Variants in TSHR observed in about 807,000 individuals in gnomAD.
The protein encoded by TSHR is thyroid stimulating hormone receptor.
TSHR carries 51 observed loss-of-function variants against 64.1 expected under a neutral mutation model. That is an observed-to-expected ratio of 0.80 (90% CI 0.64 to 1.01). The LOEUF (loss-of-function observed/expected upper bound fraction) is 1.01, where lower values mean the gene tolerates loss of function less well. TSHR is among the 50% of genes least tolerant of loss of function. The pLI, the probability that TSHR is intolerant of heterozygous loss-of-function variation, is 0.00. For missense variants in TSHR, 877 were observed against 942.8 expected (o/e 0.93, Z 0.91); for synonymous variants, 361 against 361.9 (o/e 1.00, Z 0.03).
At chr14:81,038,214 C>T (rs534606876) in intron 1 of TSHR, among the ~76,000 whole-genome samples, 2 of 151,808 alleles carry the variant, frequency 1.3e-5, no homozygotes, top group Non-Finnish European at 2.9e-5. Context: ...GGAAATTAAA[C>T]AACATGCTCC....
intron 8 of TSHR, chr14:81,108,756 T>C (rs1039803767): frequency 6.2e-7 from 1 of 1,608,088 alleles, no homozygotes; most frequent in African/African-American, 1.3e-5. Context: ...GTTTGAAAAA[T>C]TTTGAAATGC....
intron 1 of TSHR, among the ~76,000 whole-genome samples, chr14:81,029,865 A>G (rs79429318): frequency 4.7e-4 from 71 of 152,344 alleles, no homozygotes; most frequent in African/African-American, 1.6e-3. Flanking sequence ...TCCAAGCCTC[A>G]GCGCTATAAA....
rs2139909577 is a variant in TSHR at position 81,068,245 on chromosome 14, G to T, written c.243-9G>T. 1 of 1,612,092 alleles carries T rather than the reference G, an allele frequency of 6.2e-7. No homozygotes were observed. Among genetic ancestry groups the T allele is most frequent in the South Asian group, 1.1e-5 (1 of 90,962 alleles). On this transcript the variant is annotated splice_polypyrimidine_tract_variant and intron_variant, in intron 2 of 9. Transcript: ENST00000298171. ...TTTCTACTTTGTCTTATATTTTTCT[G>T]ACATTCAGCTACGTATCTATAGATG...
intron 2 of TSHR, among the ~76,000 whole-genome samples, chr14:81,065,565 A>G (rs1024753077): frequency 6.6e-6 from 1 of 152,234 alleles, no homozygotes; most frequent in Admixed American, 6.5e-5. Context: ...CCCCAGGGAG[A>G]CTGCTGGATT....
Position 80,955,760 on chromosome 14 carries a change from C to T in TSHR, c.80C>T (p.Pro27Leu), listed in dbSNP as rs532920088. The T allele has an allele frequency of 6.2e-7, 1 of 1,614,186 alleles. No individual in the cohort carries two copies. The highest frequency in any genetic ancestry group is 1.1e-5 in the South Asian group (1 of 91,086). ...RDLGGMGCSSPPCECHQEEDF... is the reference protein window; with the variant it reads ...RDLGGMGCSSLPCECHQEEDF... Reference sequence around the variant, plus strand: ...CTGGGCGGAATGGGGTGTTCGTCTCCACCCTGCGAGTGCCATCAGGAGGAG... The same window carrying T: ...CTGGGCGGAATGGGGTGTTCGTCTCTACCCTGCGAGTGCCATCAGGAGGAG... The change falls in exon 1 of 10, where the codon CCA becomes CTA. Residue 27 changes from proline (P) to leucine (L), a missense_variant. Pro to Leu is a moderately conservative substitution (Grantham distance 98). Coordinates refer to ENST00000298171, the MANE Select transcript of TSHR (RefSeq NM_000369.5).
At chr14:81,037,717 A>C (rs1884716518) in intron 1 of TSHR, among the ~76,000 whole-genome samples, 1 of 145,990 alleles carries the variant, frequency 6.8e-6, no homozygotes, top group South Asian at 2.3e-4. Flanking sequence ...AGATAATTCA[A>C]AAATTGAAAG....
At chr14:81,075,739 A>AC (rs1887455437) in intron 3 of TSHR, among the ~76,000 whole-genome samples, 1 of 149,514 alleles carries the variant, frequency 6.7e-6, no homozygotes, top group Admixed American at 6.7e-5. Context: ...CAGTGTGGCG[A>AC]TTCCTCAGGG....
At chr14:81,009,971 A>G (rs1889818525) in intron 1 of TSHR, among the ~76,000 whole-genome samples, 1 of 152,186 alleles carries the variant, frequency 6.6e-6, no homozygotes, top group African/African-American at 2.4e-5. Context: ...CTTTGGAGTG[A>G]TTGTAGCAGA....
At chr14:81,047,840 G>T (rs557108858) in intron 1 of TSHR, among the ~76,000 whole-genome samples, 72 of 152,092 alleles carry the variant, frequency 4.7e-4, no homozygotes, top group African/African-American at 1.7e-3. Context: ...TTGAGACCGG[G>T]TTTCACCGTG....
intron 8 of TSHR, among the ~76,000 whole-genome samples, chr14:81,131,143 A>T (rs2140087331): frequency 6.6e-6 from 1 of 152,280 alleles, no homozygotes; most frequent in Admixed American, 6.5e-5. Flanking sequence ...CATCTCAGGA[A>T]ATGGCAACTT....
In TSHR at chr14:80,998,715, C is replaced by T. The variant is rs1302625488; in HGVS notation, c.170+42865C>T. On this transcript the variant is annotated intron_variant, in intron 1 of 9. Coordinates refer to ENST00000298171, the MANE Select transcript of TSHR (RefSeq NM_000369.5). The stretch of plus-strand genomic sequence containing the variant: ...TTGACCTCACTGACAACTAGATAGC[C>T]TAAGAAACAGTGTGTGCAATAGAGT... Among the ~76,000 whole-genome samples the T allele has an allele frequency of 2.0e-5, 3 of 151,862 alleles. No homozygotes were observed. In the East Asian group the frequency reaches 5.8e-4, roughly 29 times the overall value.
chr14:81,138,123 C>A (rs1891527182), intron 8 of TSHR, among the ~76,000 whole-genome samples: 1 of 151,940 alleles, frequency 6.6e-6, no homozygotes, highest in Non-Finnish European at 1.5e-5. Flanking sequence ...TTATTTATGC[C>A]AGTTTATAAA....
intron 1 of TSHR, among the ~76,000 whole-genome samples, chr14:80,965,294 A>G (rs1410393231): frequency 6.6e-6 from 1 of 152,158 alleles, no homozygotes; most frequent in East Asian, 1.9e-4. Flanking sequence ...TTATGAGAAC[A>G]GTTTGCTGTT....
chr14:80,958,887 G>T (rs991699784), intron 1 of TSHR, among the ~76,000 whole-genome samples: 5 of 152,140 alleles, frequency 3.3e-5, no homozygotes, highest in African/African-American at 1.2e-4. Context: ...GGTTTAAAAT[G>T]TAAGGTATTT....
intron 3 of TSHR, among the ~76,000 whole-genome samples, chr14:81,081,933 CCTTCCATTTTTT>C (rs1566800574): frequency 6.6e-6 from 1 of 151,652 alleles, no homozygotes; most frequent in African/African-American, 2.4e-5. Context: ...AAGGTGACTG[CCTTCCATTTTTT>C]TGAACTATAG....
At chr14:80,972,500 T>C (rs1157151307) in intron 1 of TSHR, among the ~76,000 whole-genome samples, 1 of 152,220 alleles carries the variant, frequency 6.6e-6, no homozygotes, top group Admixed American at 6.5e-5. Flanking sequence ...TTCAAATTCA[T>C]GTCTCCCAAC....
chr14:81,014,480 C>T (rs1480104955), intron 1 of TSHR: 1 of 152,100 alleles, frequency 6.6e-6, no homozygotes, highest in Non-Finnish European at 1.5e-5. Flanking sequence ...GTACTAATAG[C>T]CTTCAGTAGA....
rs935971426 is a variant in TSHR, at chr14:81,019,926, G to A, written c.171-42222G>A. ...ACAGTGCTGCAATAAACATACATGT[G>A]CATGTGTCTTTATAGTAGAATGACT... On this transcript the variant is annotated intron_variant, in intron 1 of 9. Transcript: ENST00000298171. Among the ~76,000 whole-genome samples, 4 of 152,248 alleles carry A rather than the reference G, an allele frequency of 2.6e-5. No homozygotes were observed. The East Asian group carries it at 5.8e-4, about 22-fold the overall frequency.
rs1472790499 is a variant in TSHR at position 81,116,163 on chromosome 14, C to A, written c.692+7711C>A. ...CCAGCTAACATCAGAATGACAGGAT[C>A]AAATTCACACATAACAATATTAACT... On this transcript the variant is annotated intron_variant, in intron 8 of 9. Coordinates refer to ENST00000298171, the MANE Select transcript of TSHR (RefSeq NM_000369.5). Among the ~76,000 whole-genome samples the A allele has an allele frequency of 2.6e-5, 4 of 151,414 alleles. No individual in the cohort carries two copies. In the South Asian group the frequency reaches 6.4e-4, roughly 24 times the overall value.
Sources: gnomAD v4.1 joint callset for allele counts (sites outside exome capture counted in the v4.1 genomes callset) on GRCh38, gnomAD v4.1.1 for gene constraint, MANE v1.5 for transcripts, NCBI Gene and HGNC (gene_info 2026-07-23, HGNC 2026-07-21) for gene names.